Variants in DOCK1 observed in about 807,000 individuals in gnomAD.
The protein encoded by DOCK1 is dedicator of cytokinesis 1, also known as dedicator of cytokinesis protein 1.
A neutral mutation model predicts 262.7 loss-of-function variants in DOCK1; 138 were observed. The observed-to-expected ratio is 0.53, with a 90% CI of 0.46 to 0.61. The LOEUF (loss-of-function observed/expected upper bound fraction) is 0.61, where lower values mean the gene tolerates loss of function less well. Among genes scored for constraint, DOCK1 ranks in the 20% least tolerant of loss-of-function variants. The pLI is 0.00. For missense variants in DOCK1, 1,908 were observed against 2,370.7 expected (o/e 0.80, Z 4.05); for synonymous variants, 866 against 867.4 (o/e 1.00, Z 0.03).
rs527904673 is a variant in DOCK1, at chr10:127,394,885, C to T, written c.3928-8170C>T. Among the ~76,000 whole-genome samples, 4 of 152,278 alleles carry T rather than the reference C, an allele frequency of 2.6e-5. No homozygotes were observed. The South Asian group carries it at 6.2e-4, about 24-fold the overall frequency. On this transcript the variant is annotated intron_variant, in intron 38 of 51. Transcript: ENST00000623213. ...ATATGAGCAGATAAATAACAAAACC[C>T]ACCTTCCGCCCATCACACAGGTGGG... is the stretch of plus-strand genomic sequence containing the variant.
chr10:127,254,637 T>G (rs2059769158), intron 28 of DOCK1, among the ~76,000 whole-genome samples: 1 of 152,226 alleles, frequency 6.6e-6, no homozygotes, highest in African/African-American at 2.4e-5. Flanking sequence ...GGATAAAACT[T>G]TGAATCCACA....
At chr10:127,067,377 G>A (rs1282023961) in intron 23 of DOCK1, among the ~76,000 whole-genome samples, 1 of 152,176 alleles carries the variant, frequency 6.6e-6, no homozygotes, top group African/African-American at 2.4e-5. Context: ...AAAGACTACT[G>A]CATGCAGGAC....
At chr10:127,249,997 C>T (rs1003360544) in intron 28 of DOCK1, among the ~76,000 whole-genome samples, 2 of 152,066 alleles carry the variant, frequency 1.3e-5, no homozygotes, top group Non-Finnish European at 2.9e-5. Context: ...CATGGCATAG[C>T]GAAATCAAAT....
chr10:127,041,329 C>T (rs758275523), intron 19 of DOCK1, among the ~76,000 whole-genome samples: 2 of 152,162 alleles, frequency 1.3e-5, no homozygotes, highest in Non-Finnish European at 2.9e-5. Flanking sequence ...AACTCCCGAC[C>T]TCAGGTGATC....
At chr10:127,333,514 A>G (rs188393727) in intron 29 of DOCK1, among the ~76,000 whole-genome samples, 2 of 152,218 alleles carry the variant, frequency 1.3e-5, no homozygotes, top group Non-Finnish European at 2.9e-5. Flanking sequence ...CTCAATTAAC[A>G]TATAATTATT....
intron 1 of DOCK1, among the ~76,000 whole-genome samples, chr10:126,931,021 C>T (rs1364946496): frequency 8.5e-5 from 13 of 152,190 alleles, no homozygotes; most frequent in East Asian, 3.9e-4. Context: ...TTCCCTGCGT[C>T]GAGGATGGGG....
intron 1 of DOCK1, among the ~76,000 whole-genome samples, chr10:126,932,327 T>C (rs970717700): frequency 2.0e-5 from 3 of 151,940 alleles, no homozygotes; most frequent in Admixed American, 6.6e-5. Context: ...CGATTATGAG[T>C]TCAAGCCCAG....
At chr10:127,087,695 G>C (rs1313304107) in intron 23 of DOCK1, among the ~76,000 whole-genome samples, 1 of 152,166 alleles carries the variant, frequency 6.6e-6, no homozygotes, top group African/African-American at 2.4e-5. Context: ...CTGATGAAAT[G>C]TAAGTAGCAT....
intron 31 of DOCK1, among the ~76,000 whole-genome samples, chr10:127,345,321 C>G (rs1034274173): frequency 6.6e-6 from 1 of 152,288 alleles, no homozygotes; most frequent in East Asian, 1.9e-4. Flanking sequence ...CTTAGGCCCT[C>G]GTATCTGCCC....
At chr10:126,950,233 G>A (rs976606184) in intron 1 of DOCK1, among the ~76,000 whole-genome samples, 1 of 152,036 alleles carries the variant, frequency 6.6e-6, no homozygotes, top group African/African-American at 2.4e-5. Flanking sequence ...TGGAGAGCAG[G>A]TTCCTAATTC....
chr10:127,154,532 A>T (rs1370553338), intron 27 of DOCK1, among the ~76,000 whole-genome samples: 2 of 152,262 alleles, frequency 1.3e-5, no homozygotes, highest in African/African-American at 4.8e-5. Context: ...TTTTATGAAA[A>T]TACCTATTTC....
At chr10:127,174,701 G>T (rs1173570401) in intron 27 of DOCK1, among the ~76,000 whole-genome samples, 2 of 152,262 alleles carry the variant, frequency 1.3e-5, no homozygotes, top group East Asian at 3.9e-4. Context: ...TGTCTATGAT[G>T]TAAAGCCTTG....
chr10:127,195,395 C>G (rs768256672), intron 27 of DOCK1, among the ~76,000 whole-genome samples: 16 of 152,204 alleles, frequency 1.1e-4, no homozygotes, highest in Non-Finnish European at 2.2e-4. Context: ...CCGACCCCAA[C>G]CCGCAGCCCC....
At chr10:127,171,947 C>T (rs1448623986) in intron 27 of DOCK1, among the ~76,000 whole-genome samples, 3 of 152,174 alleles carry the variant, frequency 2.0e-5, no homozygotes, top group Admixed American at 6.5e-5. Context: ...TCAAGTGATC[C>T]ACTCGCCTTG....
chr10:127,337,802 C>T (rs1164203312), intron 29 of DOCK1, among the ~76,000 whole-genome samples: 1 of 152,222 alleles, frequency 6.6e-6, no homozygotes, highest in African/African-American at 2.4e-5. Context: ...CAGAGCTAGC[C>T]GATAGGTTTC....
At chr10:127,156,827 C>G (rs549005383) in intron 27 of DOCK1, among the ~76,000 whole-genome samples, 1 of 152,266 alleles carries the variant, frequency 6.6e-6, no homozygotes, top group East Asian at 1.9e-4. Flanking sequence ...CTCGGCCTCC[C>G]AAAGTGTTGG....
intron 33 of DOCK1, among the ~76,000 whole-genome samples, chr10:127,371,445 C>T (rs1215258966): frequency 6.6e-6 from 1 of 152,174 alleles, no homozygotes; most frequent in Non-Finnish European, 1.5e-5. Context: ...TTCCTCATTG[C>T]CTGTGTTTGT....
chr10:127,029,912 C>A (rs2043124439), intron 16 of DOCK1, among the ~76,000 whole-genome samples: 1 of 152,126 alleles, frequency 6.6e-6, no homozygotes, highest in South Asian at 2.1e-4. Context: ...AGGAACTGTT[C>A]TGTTCTTTGC....
At chr10:127,172,583 A>G (rs748408106) in intron 27 of DOCK1, among the ~76,000 whole-genome samples, 1 of 152,190 alleles carries the variant, frequency 6.6e-6, no homozygotes, top group South Asian at 2.1e-4. Flanking sequence ...AGGGGGCCCC[A>G]TAAGGTGGCC....
Sources: allele counts gnomAD v4.1 joint callset (sites outside exome capture counted in the v4.1 genomes callset), GRCh38; gene constraint gnomAD v4.1.1; transcripts MANE v1.5; gene names NCBI Gene and HGNC (gene_info 2026-07-23, HGNC 2026-07-21).